The following NBPF14 variants were observed in gnomAD, a reference collection of about 807,000 sequenced individuals.
NBPF14 encodes the protein NBPF member 14, also known as NBPF family member NBPF14.
A neutral mutation model predicts 91.2 loss-of-function variants in NBPF14; 104 were observed. The ratio of observed to expected loss-of-function variants is 1.14; its 90% CI spans 0.97 to 1.34. The LOEUF (loss-of-function observed/expected upper bound fraction) is 1.34. Ranked by LOEUF, NBPF14 falls within the 40% of genes most tolerant of loss-of-function variation. The pLI is 0.00. For synonymous variants in NBPF14, 294 were observed against 303.8 expected (o/e 0.97, Z 0.34); for missense variants, 908 against 783.0 (o/e 1.16, Z -1.91).
chr1:148,542,190 G>T (rs1273505166), intron 59 of NBPF14, among the ~76,000 whole-genome samples: 15,605 of 56,656 alleles, frequency 0.28, 2,651 homozygotes, highest in East Asian at 0.55. Flanking sequence ...CAACAAATAC[G>T]CAGATTGTTC....
chr1:148,541,675 T>C, intron 60 of NBPF14, 56 bp downstream of exon 60: 2 of 15,026 alleles, frequency 1.3e-4, no homozygotes, highest in Admixed American at 1.2e-3. Flanking sequence ...TTTCCCTGAA[T>C]CTGTTGCCTC....
intron 63 of NBPF14, 124 bp from the exon 64 acceptor site, chr1:148,538,824 G>A: frequency 1.6e-5 from 1 of 64,516 alleles, no homozygotes; most frequent in Non-Finnish European, 2.5e-5. Context: ...CAATGTGAGA[G>A]ATATACTTCA....
chr1:148,577,391 G>C (rs1660020897), intron 14 of NBPF14, 36 bp from the exon 15 acceptor site: 49 of 646,854 alleles, frequency 7.6e-5, no homozygotes. Context: ...ATAAGCCAGG[G>C]GGAATCAGAA....
chr1:148,559,646 C>A lies in NBPF14; in HGVS notation c.4729+147G>T, dbSNP rs1464025674. 2.9e-4 allele frequency: 169 copies of A among 588,980 alleles called. 3 individuals are homozygous for A. The highest frequency in any genetic ancestry group is 4.1e-4 in the Non-Finnish European group (142 of 346,386). The allele number at this position is 588,980 out of a possible 1,614,324, so 36.5% of individuals were successfully genotyped here. On this transcript the variant is annotated intron_variant, in intron 37 of 70. Coordinates refer to ENST00000619423, the Ensembl canonical transcript of NBPF14. ...CCCTTGTCTGGGCTTCCAAGTGGAA[C>A]TAGAGTTTCATTCAACCTACATGTG...
intron 8 of NBPF14, 31 bp downstream of exon 8, chr1:148,587,270 C>A: frequency 2.0e-6 from 3 of 1,523,804 alleles, no homozygotes; most frequent in African/African-American, 2.7e-5. Context: ...ACACACCTGC[C>A]CCCCTGCCTG....
intron 68 of NBPF14, 71 bp downstream of exon 68, chr1:148,535,382 C>A: frequency 1.9e-6 from 1 of 528,218 alleles, no homozygotes; most frequent in Non-Finnish European, 3.3e-6. Flanking sequence ...TGAACACACT[C>A]TTGTTTTCCC....
intron 2 of NBPF14, among the ~76,000 whole-genome samples, chr1:148,595,316 T>G (rs1233897172): frequency 2.0e-5 from 3 of 148,316 alleles, no homozygotes; most frequent in African/African-American, 5.0e-5. Flanking sequence ...TCAATAACTG[T>G]GAGTTTAACT....
chr1:148,560,251 A>G (rs1657577257), intron 36 of NBPF14, among the ~76,000 whole-genome samples: 3 of 148,816 alleles, frequency 2.0e-5, no homozygotes, highest in African/African-American at 7.6e-5. Flanking sequence ...GAGTCAAAGG[A>G]CACTCTGAGT....
Position 148,559,622 on chromosome 1 carries a change from C to A in NBPF14, c.4729+171G>T, listed in dbSNP as rs1168603593. ...AGAGAGCCTTGCTCACTGACCCATCCCTTGTCTGGGCTTCCAAGTGGAACT... is the reference window on the plus strand; with the variant it reads ...AGAGAGCCTTGCTCACTGACCCATCACTTGTCTGGGCTTCCAAGTGGAACT... On this transcript the variant is annotated intron_variant, in intron 37 of 70. Coordinates refer to ENST00000619423, the Ensembl canonical transcript of NBPF14. Among the ~76,000 whole-genome samples, 16 of 125,040 alleles carry A rather than the reference C, an allele frequency of 1.3e-4. 1 individual carries two copies. Among genetic ancestry groups the A allele is most frequent in the Middle Eastern group, 7.5e-3 (2 of 268 alleles). 82.0% of individuals were successfully genotyped at this position (125,040 alleles called of 152,430 possible).
exon 34 of NBPF14, chr1:148,562,278 T>A: frequency 6.1e-6 from 1 of 163,806 alleles, no homozygotes; most frequent in Non-Finnish European, 1.1e-5. Context: ...TTCTTCGTCC[T>A]TTTTAATTCC....
chr1:148,566,258 A>AT lies in NBPF14; in HGVS notation c.3599dup (p.Asp1200GlufsTer2). The AT allele has an allele frequency of 1.6e-6, 1 of 637,100 alleles. No individual in the cohort carries two copies. Among genetic ancestry groups the AT allele is most frequent in the Non-Finnish European group, 2.8e-6 (1 of 358,718 alleles). 39.5% of individuals were successfully genotyped at this position (637,100 alleles called of 1,614,324 possible). ...AACTGGAAGGAGTTGAATAACATCT[A>AT]TCCAGTGAGTCCTGCAAGACTTCAG... On this transcript the variant is annotated frameshift_variant, in exon 29 of 71. Coordinates refer to ENST00000619423, the Ensembl canonical transcript of NBPF14. LOFTEE classifies it high-confidence loss of function.
Position 148,534,847 on chromosome 1 carries a change from C to A in NBPF14, c.8451G>T (p.Arg2817Ser), listed in dbSNP as rs1480154876. The A allele has an allele frequency of 7.5e-5, 76 of 1,016,508 alleles. 1 individual carries two copies. The highest frequency in any genetic ancestry group is 1.1e-4 in the Non-Finnish European group (71 of 649,294). 63.0% of individuals were successfully genotyped at this position (1,016,508 alleles called of 1,614,324 possible). A position where few individuals can be genotyped will look rare whatever the true frequency, so the allele number is the denominator to read the frequency against. ...CAGGATCTTTCTCATCCAGCAGCTC[C>A]CTGCTGAGCCTGGAAAAGTAGGAAA... The change falls in exon 69 of 71, where the codon AGG becomes AGT. Residue 2817 changes from arginine to serine, a missense_variant. Arg to Ser is a moderately radical substitution (Grantham distance 110). Coordinates refer to ENST00000619423, the Ensembl canonical transcript of NBPF14.
Position 148,561,601 on chromosome 1 carries a change from A to G in NBPF14, c.4275-22T>C, listed in dbSNP as rs1361826279. 2.5e-4 allele frequency: 85 copies of G among 346,420 alleles called. 2 individuals carry two copies. The African/African-American group carries it at 6.6e-3, about 27-fold the overall frequency. The allele number at this position is 346,420 out of a possible 1,614,324, so 21.5% of individuals were successfully genotyped here. A position where few individuals can be genotyped will look rare whatever the true frequency, so the allele number is the denominator to read the frequency against. On this transcript the variant is annotated intron_variant, in intron 34 of 70. Transcript: ENST00000619423. ...GAGCCTGGAAAAGGAGGAAAAAGTA[A>G]AGAATAAGCCAGGGGAAATCAGACA...
Position 148,542,730 on chromosome 1 carries a change from G to T in NBPF14, c.7203-4C>A. The T allele has an allele frequency of 2.0e-4, 1 of 4,936 alleles. No individual in the cohort carries two copies. Among genetic ancestry groups the T allele is most frequent in the Non-Finnish European group, 3.4e-4 (1 of 2,914 alleles). 0.3% of individuals were successfully genotyped at this position (4,936 alleles called of 1,614,324 possible). On this transcript the variant is annotated splice_polypyrimidine_tract_variant and splice_region_variant and intron_variant, in intron 58 of 70. Coordinates refer to ENST00000619423, the Ensembl canonical transcript of NBPF14. ...CTCCAGCAGCTCCCTGCTGAGCCTG[G>T]AAAAGGAGGAAAAAGTAAAGAATAA...
chr1:148,534,193 C>G lies in NBPF14; in HGVS notation c.8615-224G>C, dbSNP rs1442816231. Among the ~76,000 whole-genome samples the G allele has an allele frequency of 4.0e-5, 6 of 150,204 alleles. No homozygotes were observed. The Admixed American group carries it at 4.1e-4, about 10-fold the overall frequency. On this transcript the variant is annotated intron_variant, in intron 69 of 70. Transcript: ENST00000619423. ...TGTCCCTATTCTAGTAGATCGTTAT[C>G]CCAATATCATTTGTCCCAAGTTTCT...
chr1:148,587,509 C>T (rs1219452163), intron 7 of NBPF14, 106 bp from the exon 8 acceptor site: 43 of 1,170,284 alleles, frequency 3.7e-5, no homozygotes, highest in Non-Finnish European at 5.1e-5. Context: ...AAACTCTCCC[C>T]AGTACCAGGG....
chr1:148,577,841 G>T, intron 14 of NBPF14, 142 bp downstream of exon 14: 1 of 585,796 alleles, frequency 1.7e-6, no homozygotes, highest in Non-Finnish European at 3.0e-6. Context: ...ACTCTAATGA[G>T]AACCAAAAAG....
Position 148,587,073 on chromosome 1 carries a change from C to A in NBPF14, c.1091+228G>T, listed in dbSNP as rs1360991282. On this transcript the variant is annotated intron_variant, in intron 8 of 70. Coordinates refer to ENST00000619423, the Ensembl canonical transcript of NBPF14. ...ATTTTGTGTTATGTAAATTTCACAT[C>A]AAAAATTACTTGTTTGAAAAAGAGA... Among the ~76,000 whole-genome samples the A allele has an allele frequency of 6.1e-5, 9 of 147,678 alleles. 2 individuals are homozygous for A. The highest frequency in any genetic ancestry group is 1.2e-4 in the African/African-American group (5 of 40,654).
At chr1:148,542,101 G>T (rs1470707960) in intron 59 of NBPF14, among the ~76,000 whole-genome samples, 3 of 100,932 alleles carry the variant, frequency 3.0e-5, no homozygotes, top group Admixed American at 2.6e-4. Context: ...AAACAGTTAC[G>T]CCATATTTTT....
Sources: allele counts gnomAD v4.1 joint callset (sites outside exome capture counted in the v4.1 genomes callset), GRCh38; gene constraint gnomAD v4.1.1; transcripts MANE v1.5; gene names NCBI Gene and HGNC (gene_info 2026-07-23, HGNC 2026-07-21).